Variants in DMTF1 observed in about 807,000 individuals in gnomAD.
DMTF1 encodes the protein cyclin-D-binding Myb-like transcription factor 1.
Under a neutral mutation model 91.1 loss-of-function variants are expected in DMTF1, and 39 were observed. That is an observed-to-expected ratio of 0.43 (90% confidence interval 0.33 to 0.56). DMTF1 has a LOEUF of 0.56. Ranked by LOEUF, DMTF1 falls within the 20% of genes least tolerant of loss-of-function variation. The probability of loss-of-function intolerance (pLI) is 0.05; values close to 1 mark genes in which losing one functional copy is unlikely to be tolerated. For missense variants in DMTF1, 750 were observed against 914.5 expected, an observed-to-expected ratio of 0.82 and a Z score of 2.32; for synonymous variants, 338 against 309.5, an observed-to-expected ratio of 1.09 and a Z score of -0.97.
intron 1 of DMTF1, among the ~76,000 whole-genome samples, chr7:87,162,282 G>T (rs753945162): frequency 2.0e-5 from 3 of 151,938 alleles, no homozygotes; most frequent in Non-Finnish European, 2.9e-5. Context: ...ACTATCTCAG[G>T]CTGGTCTCAA....
intron 7 of DMTF1, 101 bp downstream of exon 7, chr7:87,174,770 T>G (rs759449691): frequency 2.0e-5 from 13 of 646,576 alleles, no homozygotes; most frequent in Non-Finnish European, 3.1e-5. Context: ...GCTTTTTACT[T>G]ATTTTTGTAA....
chr7:87,173,732 G>T, intron 6 of DMTF1, 83 bp downstream of exon 6: 1 of 718,834 alleles, frequency 1.4e-6, no homozygotes, highest in Non-Finnish European at 2.2e-6. Flanking sequence ...TTCTGAGTTG[G>T]ACCTTCATCA....
At chr7:87,171,481 C>T (rs1227523451) in intron 5 of DMTF1, among the ~76,000 whole-genome samples, 2 of 152,120 alleles carry the variant, frequency 1.3e-5, no homozygotes, top group African/African-American at 4.8e-5. Flanking sequence ...CCAGGTGCAG[C>T]TATTTTGACA....
intron 4 of DMTF1, among the ~76,000 whole-genome samples, chr7:87,170,277 C>CT (rs1794772567): frequency 6.6e-6 from 1 of 152,190 alleles, no homozygotes; most frequent in Non-Finnish European, 1.5e-5. Context: ...ACTGACCTAT[C>CT]TTTTTTGCAT....
At position 87,193,733 on chromosome 7, in the gene DMTF1, T is replaced by C; in HGVS notation, c.1659T>C (p.His553=). 6.3e-7 allele frequency: 1 copy of C among 1,596,174 alleles called. No individual in the cohort carries two copies. Among genetic ancestry groups the C allele is most frequent in the East Asian group, 2.2e-5 (1 of 44,714 alleles). Residue 553 remains histidine (H), a synonymous_variant, in exon 16 of 18, where the codon CAT becomes CAC. Coordinates refer to ENST00000331242, the MANE Select transcript of DMTF1 (RefSeq NM_001142327.2). The part of the protein sequence containing the change: ...QIIVHALSPE[H]LLNTSDNVTV... ...TCTTTAATGTTTTATAGCCAGAACA[T>C]TTGTTGAACACAAGTGATAATGTTA...
chr7:87,181,970 T>A (rs1465146363), intron 9 of DMTF1: 21 of 1,426,122 alleles, frequency 1.5e-5, no homozygotes, highest in African/African-American at 2.9e-5. Flanking sequence ...GGGAAATTGG[T>A]CTTTTTTGAA....
At chr7:87,189,152 C>T (rs972857831) in intron 13 of DMTF1, among the ~76,000 whole-genome samples, 17 of 152,110 alleles carry the variant, frequency 1.1e-4, no homozygotes, top group African/African-American at 3.6e-4. Context: ...ACATGCCAGT[C>T]ATTATGAGAA....
At chr7:87,179,513 A>G (rs1261624001) in intron 7 of DMTF1, 32 bp from the exon 8 acceptor site, 3 of 1,467,392 alleles carry the variant, frequency 2.0e-6, no homozygotes, top group Non-Finnish European at 2.7e-6. Flanking sequence ...TTTATCAGAA[A>G]TCCCTAAATC....
intron 13 of DMTF1, among the ~76,000 whole-genome samples, chr7:87,189,111 C>T (rs1391456806): frequency 2.0e-5 from 3 of 152,130 alleles, no homozygotes; most frequent in Non-Finnish European, 4.4e-5. Flanking sequence ...TATTCAGTGT[C>T]CTTTGATCTT....
rs117318646 is a variant in DMTF1, at chr7:87,171,104, T to G, written c.327+15T>G. 2.6e-6 allele frequency: 4 copies of G among 1,519,286 alleles called. No homozygotes were observed. In the East Asian group the frequency reaches 9.0e-5, roughly 34 times the overall value. 94.1% of individuals were successfully genotyped at this position (1,519,286 alleles called of 1,614,324 possible). A position where few individuals can be genotyped will look rare whatever the true frequency, so the allele number is the denominator to read the frequency against. ...CACAGATACAGGTATAGTAAATCTT[T>G]TAACTGGCCTCAGGAGGATGATCCT... On this transcript the variant is annotated intron_variant, in intron 5 of 17. Coordinates refer to ENST00000331242, the MANE Select transcript of DMTF1 (RefSeq NM_001142327.2).
At chr7:87,174,279 G>T (rs1262862760) in intron 6 of DMTF1, among the ~76,000 whole-genome samples, 1 of 152,066 alleles carries the variant, frequency 6.6e-6, no homozygotes, top group African/African-American at 2.4e-5. Flanking sequence ...TTTTGAGCAT[G>T]TTTGGCTTTT....
intron 5 of DMTF1, among the ~76,000 whole-genome samples, chr7:87,171,843 A>G (rs1795142601): frequency 6.6e-6 from 1 of 152,270 alleles, no homozygotes; most frequent in East Asian, 1.9e-4. Flanking sequence ...CTGCTGTTGT[A>G]CTCACTAAAC....
At chr7:87,158,566 A>G (rs1018521954) in intron 1 of DMTF1, among the ~76,000 whole-genome samples, 9 of 152,066 alleles carry the variant, frequency 5.9e-5, no homozygotes, top group Non-Finnish European at 1.0e-4. Flanking sequence ...AGAAAGCCAT[A>G]ATTCTTGATG....
At chr7:87,153,255 G>A (rs1001953646) in intron 1 of DMTF1, among the ~76,000 whole-genome samples, 2 of 152,176 alleles carry the variant, frequency 1.3e-5, no homozygotes, top group Non-Finnish European at 2.9e-5. Flanking sequence ...AGGGATGTGG[G>A]CTGGGGCGCG....
chr7:87,188,055 G>A, intron 12 of DMTF1, 37 bp from the exon 13 acceptor site: 2 of 1,566,932 alleles, frequency 1.3e-6, no homozygotes, highest in Admixed American at 1.7e-5. Context: ...GTCTGTCGGA[G>A]AATCAATGTT....
At chr7:87,167,524 A>G (rs1000134646) in intron 4 of DMTF1, among the ~76,000 whole-genome samples, 1 of 152,226 alleles carries the variant, frequency 6.6e-6, no homozygotes, top group African/African-American at 2.4e-5. Context: ...GCATCAGGCA[A>G]AATCACATCT....
chr7:87,171,203 A>C (rs1418886539), intron 5 of DMTF1, 114 bp downstream of exon 5: 6 of 670,618 alleles, frequency 8.9e-6, no homozygotes, highest in Non-Finnish European at 1.5e-5. Flanking sequence ...GGCACATGCC[A>C]CTGTGCCCAG....
chr7:87,192,580 T>A (rs975690214), intron 14 of DMTF1: 1 of 152,166 alleles, frequency 6.6e-6, no homozygotes, highest in East Asian at 1.9e-4. Context: ...GTGCAAATAC[T>A]TTTTTAGAAT....
chr7:87,161,549 C>A (rs540543081), intron 1 of DMTF1, among the ~76,000 whole-genome samples: 2 of 152,130 alleles, frequency 1.3e-5, no homozygotes, highest in East Asian at 1.9e-4. Context: ...GTGACTGTAT[C>A]CCCAGTACCT....
Sources: gnomAD v4.1 joint callset for allele counts (sites outside exome capture counted in the v4.1 genomes callset) on GRCh38, gnomAD v4.1.1 for gene constraint, MANE v1.5 for transcripts, NCBI Gene and HGNC (gene_info 2026-07-23, HGNC 2026-07-21) for gene names.